The following UGT2A1 variants were observed in gnomAD, a reference collection of about 807,000 sequenced individuals.
The protein encoded by UGT2A1 is UDP glucuronosyltransferase family 2 member A1 complex locus.
Under a neutral mutation model 45.4 loss-of-function variants are expected in UGT2A1, and 61 were observed. The ratio of observed to expected loss-of-function variants is 1.34; its 90% CI spans 1.09 to 1.66. The LOEUF (loss-of-function observed/expected upper bound fraction) is 1.66, where lower values mean the gene tolerates loss of function less well. Among genes scored for constraint, UGT2A1 ranks in the 40% most tolerant of loss-of-function variants. The pLI, the probability that UGT2A1 is intolerant of heterozygous loss-of-function variation, is 0.00. For missense variants in UGT2A1, 649 were observed against 574.3 expected, an observed-to-expected ratio of 1.13 and a Z score of -1.33; for synonymous variants, 229 against 196.2, an observed-to-expected ratio of 1.17 and a Z score of -1.40.
intron 4 of UGT2A1, 85 bp downstream of exon 4, chr4:69,599,161 A>G: frequency 6.8e-7 from 1 of 1,461,406 alleles, no homozygotes; most frequent in Non-Finnish European, 9.0e-7. Flanking sequence ...AGCAGCATTT[A>G]TTTGTTATTG....
intron 2 of UGT2A1, chr4:69,639,017 CT>C: frequency 6.2e-7 from 1 of 1,613,264 alleles, no homozygotes; most frequent in East Asian, 2.2e-5. Context: ...GGTCAGTGAG[CT>C]CTGATAAGGC....
At chr4:69,614,755 A>G (rs1720273486) in intron 3 of UGT2A1, among the ~76,000 whole-genome samples, 1 of 152,052 alleles carries the variant, frequency 6.6e-6, no homozygotes, top group South Asian at 2.1e-4. Flanking sequence ...GAAGCTAGGT[A>G]TCTATATGTA....
chr4:69,619,362 T>G (rs1230450945), intron 3 of UGT2A1, among the ~76,000 whole-genome samples: 1 of 151,912 alleles, frequency 6.6e-6, no homozygotes, highest in Non-Finnish European at 1.5e-5. Flanking sequence ...TCAGTGGCAC[T>G]GTACTTCAGC....
Position 69,599,327 on chromosome 4 carries a change from AT to A in UGT2A1, c.914del (p.Asp305ValfsTer41). On this transcript the variant is annotated frameshift_variant, in exon 4 of 7. Coordinates refer to ENST00000286604, the MANE Select transcript of UGT2A1 (RefSeq NM_001252275.3). LOFTEE classifies it high-confidence loss of function. ...GTAAGTATGGACGAGGAAATTCAAA[AT>A]CCCAATATGTTCGGATTAACCAAAT... Reference protein sequence around the residue: ...AEIWLIRTYWDFEFPRPYLPN... With the variant: ...AEIWLIRTYWXFEFPRPYLPN... 1 of 1,613,858 alleles carries A rather than the reference AT, an allele frequency of 6.2e-7. No homozygotes were observed. Among genetic ancestry groups the A allele is most frequent in the South Asian group, 1.1e-5 (1 of 91,050 alleles).
At chr4:69,628,903 C>A (rs963778273) in intron 3 of UGT2A1, among the ~76,000 whole-genome samples, 1 of 151,710 alleles carries the variant, frequency 6.6e-6, no homozygotes, top group South Asian at 2.1e-4. Context: ...ATAGTCTACA[C>A]TGAGAGAGAT....
intron 1 of UGT2A1, among the ~76,000 whole-genome samples, chr4:69,651,497 T>G (rs552917073): frequency 1.3e-5 from 2 of 152,338 alleles, no homozygotes; most frequent in South Asian, 4.1e-4. Flanking sequence ...CAGAAGAAGC[T>G]AGCATACTCA....
intron 3 of UGT2A1, among the ~76,000 whole-genome samples, chr4:69,630,152 T>C (rs549740775): frequency 1.3e-5 from 2 of 152,228 alleles, no homozygotes; most frequent in East Asian, 3.9e-4. Flanking sequence ...ATCAGGGCTC[T>C]AAGTTTCCAT....
At chr4:69,612,285 C>T (rs1271684145) in intron 3 of UGT2A1, among the ~76,000 whole-genome samples, 1 of 151,986 alleles carries the variant, frequency 6.6e-6, no homozygotes, top group Non-Finnish European at 1.5e-5. Context: ...GAAGATAGCT[C>T]ATGAGTTGGA....
At chr4:69,645,936 C>G (rs1429362510) in intron 2 of UGT2A1, among the ~76,000 whole-genome samples, 1 of 151,706 alleles carries the variant, frequency 6.6e-6, no homozygotes, top group Non-Finnish European at 1.5e-5. Flanking sequence ...CCATTCTTAC[C>G]TTGCAGAAAA....
At chr4:69,601,355 G>C (rs1379049537) in intron 3 of UGT2A1, among the ~76,000 whole-genome samples, 4 of 152,118 alleles carry the variant, frequency 2.6e-5, no homozygotes, top group Non-Finnish European at 5.9e-5. Flanking sequence ...AGAAAGGACA[G>C]AGAATTTGGG....
At chr4:69,613,410 T>G (rs1421332007) in intron 3 of UGT2A1, among the ~76,000 whole-genome samples, 1 of 151,960 alleles carries the variant, frequency 6.6e-6, no homozygotes, top group Non-Finnish European at 1.5e-5. Flanking sequence ...AACATTTGAA[T>G]AACTAATGTC....
intron 5 of UGT2A1, 143 bp downstream of exon 5, chr4:69,595,019 A>G (rs1347828486): frequency 5.0e-6 from 6 of 1,209,092 alleles, no homozygotes; most frequent in African/African-American, 1.5e-5. Flanking sequence ...TTAATGGCCA[A>G]TTATGTAATT....
At chr4:69,623,147 C>G (rs1023636705) in intron 3 of UGT2A1, among the ~76,000 whole-genome samples, 1 of 151,814 alleles carries the variant, frequency 6.6e-6, no homozygotes, top group Non-Finnish European at 1.5e-5. Context: ...GTTGATTTGG[C>G]ACAAGCTAGT....
chr4:69,639,390 G>C (rs749980218), intron 2 of UGT2A1: 2 of 1,613,414 alleles, frequency 1.2e-6, no homozygotes, highest in African/African-American at 2.7e-5. Flanking sequence ...GTAGGAAACA[G>C]GTATCACTTC....
intron 3 of UGT2A1, among the ~76,000 whole-genome samples, chr4:69,617,476 C>T (rs1025100681): frequency 9.9e-5 from 15 of 151,754 alleles, no homozygotes; most frequent in Admixed American, 6.6e-4. Flanking sequence ...TACGTATATA[C>T]GTAGACGTAC....
chr4:69,639,237 C>T, intron 2 of UGT2A1: 1 of 1,613,652 alleles, frequency 6.2e-7, no homozygotes, highest in South Asian at 1.1e-5. Flanking sequence ...TACACCATCA[C>T]AGAGTTGTAT....
chr4:69,601,396 T>C (rs1719286288), intron 3 of UGT2A1, among the ~76,000 whole-genome samples: 1 of 151,920 alleles, frequency 6.6e-6, no homozygotes, highest in South Asian at 2.1e-4. Flanking sequence ...CCCCCCGGAG[T>C]ACTACTCCTG....
intron 3 of UGT2A1, among the ~76,000 whole-genome samples, chr4:69,604,959 C>T (rs1719517973): frequency 1.5e-5 from 2 of 136,328 alleles, no homozygotes; most frequent in Non-Finnish European, 1.6e-5. Context: ...TAGACTCCCA[C>T]ACAATAATAA....
At chr4:69,591,971 A>G (rs1718618639) in intron 6 of UGT2A1, among the ~76,000 whole-genome samples, 1 of 152,318 alleles carries the variant, frequency 6.6e-6, no homozygotes, top group Non-Finnish European at 1.5e-5. Flanking sequence ...TACAACATGT[A>G]CGTATTAATA....
Sources: gnomAD v4.1 joint callset for allele counts (sites outside exome capture counted in the v4.1 genomes callset) on GRCh38, gnomAD v4.1.1 for gene constraint, MANE v1.5 for transcripts, NCBI Gene and HGNC (gene_info 2026-07-23, HGNC 2026-07-21) for gene names.